KCNQ5: variants seen among roughly 807,000 people sequenced by gnomAD.
KCNQ5 encodes the protein potassium voltage-gated channel subfamily Q member 5, also known as potassium voltage-gated channel subfamily KQT member 5.
In KCNQ5, 30 loss-of-function variants were observed where a neutral mutation model predicts 98.2. The observed-to-expected ratio is 0.31, with a 90% confidence interval of 0.23 to 0.41. The LOEUF is 0.41. Ranked by LOEUF, KCNQ5 falls within the 10% of genes least tolerant of loss-of-function variation. The pLI is 1.00. For missense variants in KCNQ5, 835 were observed against 1,182.5 expected, an observed-to-expected ratio of 0.71 and a Z score of 4.31; for synonymous variants, 458 against 449.4, an observed-to-expected ratio of 1.02 and a Z score of -0.24.
chr6:72,868,309 G>A (rs944755158), intron 1 of KCNQ5, among the ~76,000 whole-genome samples: 3 of 152,186 alleles, frequency 2.0e-5, no homozygotes, highest in African/African-American at 7.2e-5. Flanking sequence ...CATGTTCACA[G>A]AATTAAAACA....
chr6:72,860,958 T>C (rs1335358896), intron 1 of KCNQ5, among the ~76,000 whole-genome samples: 1 of 152,118 alleles, frequency 6.6e-6, no homozygotes, highest in Non-Finnish European at 1.5e-5. Flanking sequence ...TTATGTTTTG[T>C]CCATTTCATA....
intron 1 of KCNQ5, among the ~76,000 whole-genome samples, chr6:72,838,147 G>A (rs2150130153): frequency 8.2e-6 from 1 of 122,620 alleles, no homozygotes; most frequent in East Asian, 2.4e-4. Flanking sequence ...TTATTTGATA[G>A]CTCTTTCACG....
chr6:72,996,507 C>T (rs1769305563), intron 1 of KCNQ5, among the ~76,000 whole-genome samples: 1 of 152,142 alleles, frequency 6.6e-6, no homozygotes, highest in Non-Finnish European at 1.5e-5. Context: ...AAAGTAATTC[C>T]TTTAGGGACC....
chr6:72,965,144 A>C (rs1582101195), intron 1 of KCNQ5, among the ~76,000 whole-genome samples: 1 of 152,210 alleles, frequency 6.6e-6, no homozygotes, highest in East Asian at 1.9e-4. Flanking sequence ...AATTGGCCCC[A>C]AGAGTAGTGC....
At chr6:73,187,706 G>A (rs899561871) in intron 11 of KCNQ5, among the ~76,000 whole-genome samples, 5 of 152,014 alleles carry the variant, frequency 3.3e-5, no homozygotes, top group African/African-American at 9.7e-5. Flanking sequence ...ATAAACCATG[G>A]ATTTTAATTT....
intron 1 of KCNQ5, among the ~76,000 whole-genome samples, chr6:72,788,760 C>CT (rs1268145684): frequency 1.3e-5 from 2 of 151,916 alleles, no homozygotes; most frequent in Non-Finnish European, 2.9e-5. Flanking sequence ...TAGTCCATGT[C>CT]TTTTTTTGTA....
At chr6:72,711,021 A>G (rs1186039248) in intron 1 of KCNQ5, among the ~76,000 whole-genome samples, 4 of 152,162 alleles carry the variant, frequency 2.6e-5, no homozygotes, top group East Asian at 1.9e-4. Context: ...CTAGAAATCA[A>G]TAAGAGAAAG....
chr6:72,979,631 G>C (rs1279762676), intron 1 of KCNQ5, among the ~76,000 whole-genome samples: 1 of 152,158 alleles, frequency 6.6e-6, no homozygotes, highest in Admixed American at 6.5e-5. Context: ...TAGGTTGCCT[G>C]TTCACTCTGA....
At chr6:72,683,436 C>T (rs1276641726) in intron 1 of KCNQ5, among the ~76,000 whole-genome samples, 2 of 148,438 alleles carry the variant, frequency 1.3e-5, no homozygotes, top group African/African-American at 5.0e-5. Context: ...GGCGCAATCT[C>T]GGCTCACTGT....
intron 1 of KCNQ5, among the ~76,000 whole-genome samples, chr6:72,795,931 C>G (rs1458408157): frequency 6.6e-6 from 1 of 151,994 alleles, no homozygotes; most frequent in African/African-American, 2.4e-5. Flanking sequence ...TTATTACAGA[C>G]AAGGACAACT....
At chr6:73,010,482 C>T (rs1209972181) in intron 2 of KCNQ5, among the ~76,000 whole-genome samples, 1 of 151,856 alleles carries the variant, frequency 6.6e-6, no homozygotes, top group East Asian at 1.9e-4. Flanking sequence ...TTTGCCATCC[C>T]TATTCAACAA....
intron 1 of KCNQ5, among the ~76,000 whole-genome samples, chr6:72,800,454 G>A (rs1442672754): frequency 6.6e-6 from 1 of 152,178 alleles, no homozygotes; most frequent in Non-Finnish European, 1.5e-5. Flanking sequence ...TTGTATTTCT[G>A]TGGGATCGGT....
At chr6:73,119,727 T>C (rs1157293155) in intron 7 of KCNQ5, among the ~76,000 whole-genome samples, 1 of 152,212 alleles carries the variant, frequency 6.6e-6, no homozygotes, top group Non-Finnish European at 1.5e-5. Flanking sequence ...TTTTCATTAG[T>C]CCTTTGCTTC....
chr6:72,754,483 G>A (rs1425914403), intron 1 of KCNQ5, among the ~76,000 whole-genome samples: 35 of 152,146 alleles, frequency 2.3e-4, no homozygotes, highest in Non-Finnish European at 1.5e-4. Flanking sequence ...AAACGACATT[G>A]GGAAGTGTCT....
intron 5 of KCNQ5, among the ~76,000 whole-genome samples, chr6:73,080,921 C>CA (rs1773738184): frequency 6.6e-6 from 1 of 151,998 alleles, no homozygotes; most frequent in Non-Finnish European, 1.5e-5. Context: ...CAGTGCTGCC[C>CA]AAAAAACTTT....
intron 1 of KCNQ5, among the ~76,000 whole-genome samples, chr6:72,629,327 A>G (rs1452997897): frequency 6.6e-6 from 1 of 152,200 alleles, no homozygotes; most frequent in African/African-American, 2.4e-5. Flanking sequence ...GATTTCTCTT[A>G]AGTCTACAGA....
At chr6:72,920,455 T>G (rs1429949120) in intron 1 of KCNQ5, among the ~76,000 whole-genome samples, 1 of 152,166 alleles carries the variant, frequency 6.6e-6, no homozygotes, top group East Asian at 1.9e-4. Context: ...AATACGCATC[T>G]AAGATAATCC....
intron 1 of KCNQ5, among the ~76,000 whole-genome samples, chr6:72,787,903 G>A (rs1721341709): frequency 6.6e-6 from 1 of 152,202 alleles, no homozygotes; most frequent in Non-Finnish European, 1.5e-5. Context: ...TGTCTGTTCT[G>A]AGTCACTATG....
chr6:72,697,207 T>C (rs1466699181), intron 1 of KCNQ5, among the ~76,000 whole-genome samples: 1 of 152,198 alleles, frequency 6.6e-6, no homozygotes, highest in Non-Finnish European at 1.5e-5. Flanking sequence ...TCAGTGAGGA[T>C]TGATTTTGTA....
Sources: allele counts gnomAD v4.1 joint callset (sites outside exome capture counted in the v4.1 genomes callset), GRCh38; gene constraint gnomAD v4.1.1; transcripts MANE v1.5; gene names NCBI Gene and HGNC (gene_info 2026-07-23, HGNC 2026-07-21).